TNFRSF1B: variants seen among roughly 807,000 people sequenced by gnomAD.
TNFRSF1B encodes the protein tumor necrosis factor receptor superfamily member 1B.
A neutral mutation model predicts 44.6 loss-of-function variants in TNFRSF1B; 19 were observed. The ratio of observed to expected loss-of-function variants is 0.43; its 90% confidence interval spans 0.30 to 0.62. TNFRSF1B has a LOEUF of 0.62. Among genes scored for constraint, TNFRSF1B ranks in the 20% least tolerant of loss-of-function variants. TNFRSF1B has a pLI of 0.16. For missense variants in TNFRSF1B, 541 were observed against 619.9 expected (o/e 0.87, Z 1.35); for synonymous variants, 252 against 261.1 (o/e 0.97, Z 0.34).
chr1:12,167,042 G>A lies in TNFRSF1B; in HGVS notation c.-50G>A. ...GCCTGGAGAGAAGGCGCTGGGCTGC[G>A]AGGGCGCGAGGGCGCGAGGGCAGGG... On this transcript the variant is annotated 5_prime_UTR_variant, in exon 1 of 10. Coordinates refer to ENST00000376259, the MANE Select transcript of TNFRSF1B (RefSeq NM_001066.3). 1.7e-6 allele frequency: 2 copies of A among 1,205,720 alleles called. No homozygotes were observed. The highest frequency in any genetic ancestry group is 2.1e-6 in the Non-Finnish European group (2 of 951,430). 74.7% of individuals were successfully genotyped at this position (1,205,720 alleles called of 1,614,324 possible). A position where few individuals can be genotyped will look rare whatever the true frequency, so the allele number is the denominator to read the frequency against.
intron 1 of TNFRSF1B, among the ~76,000 whole-genome samples, chr1:12,183,720 CCTATCTATCTATCTAT>C (rs376176302): frequency 3.3e-5 from 3 of 92,150 alleles, no homozygotes; most frequent in African/African-American, 1.0e-4. Flanking sequence ...ATTCTATCTA[CCTATCTATCTATCTAT>C]CTATCTATCT....
intron 9 of TNFRSF1B, among the ~76,000 whole-genome samples, chr1:12,205,021 T>TA (rs950953280): frequency 4.8e-5 from 7 of 145,192 alleles, no homozygotes; most frequent in South Asian, 2.2e-4. Context: ...ACTAAAAAAA[T>TA]AAAAAAAAAA....
intron 9 of TNFRSF1B, among the ~76,000 whole-genome samples, chr1:12,205,439 A>G (rs960090033): frequency 6.6e-6 from 1 of 152,034 alleles, no homozygotes; most frequent in African/African-American, 2.4e-5. Context: ...TGAGCCCCCA[A>G]GGAAGTGATC....
chr1:12,170,969 C>T (rs1265662377), intron 1 of TNFRSF1B, among the ~76,000 whole-genome samples: 1 of 151,806 alleles, frequency 6.6e-6, no homozygotes, highest in African/African-American at 2.4e-5. Context: ...TGCCACTGTG[C>T]CTGGCCCGTT....
At chr1:12,192,042 G>A in intron 4 of TNFRSF1B, 119 bp downstream of exon 4, 1 of 1,351,140 alleles carries the variant, frequency 7.4e-7, no homozygotes, top group East Asian at 2.5e-5. Flanking sequence ...GTTAGTGGTG[G>A]CCAGGTGCCT....
chr1:12,184,992 C>A (rs1260187201), intron 1 of TNFRSF1B, among the ~76,000 whole-genome samples: 2 of 152,136 alleles, frequency 1.3e-5, no homozygotes, highest in Non-Finnish European at 2.9e-5. Context: ...GCCGTTCGGT[C>A]GGAGGGGGAT....
intron 9 of TNFRSF1B, among the ~76,000 whole-genome samples, chr1:12,202,773 G>C (rs1202256082): frequency 6.6e-6 from 1 of 152,218 alleles, no homozygotes; most frequent in East Asian, 1.9e-4. Context: ...TTACAGATGA[G>C]GAAACTGAGC....
In TNFRSF1B at chr1:12,202,083, C is replaced by T. The variant is rs1169237211; in HGVS notation, c.1017C>T (p.Asp339=). The T allele has an allele frequency of 1.3e-6, 2 of 1,590,070 alleles. No homozygotes were observed. Among genetic ancestry groups the T allele is most frequent in the South Asian group, 1.1e-5 (1 of 87,718 alleles). ...TGGAGAGCTCGGCCAGTGCGTTGGA[C>T]AGAAGGGCGCCCACTCGGAACCAGC... ...SSLESSASAL[D]RRAPTRNQPQ... The change falls in exon 9 of 10, where the codon GAC becomes GAT. Residue 339 remains aspartate, a synonymous_variant. Transcript: ENST00000376259.
Position 12,179,756 on chromosome 1 carries a change from G to A in TNFRSF1B, c.79-9040G>A, listed in dbSNP as rs567400818. The stretch of plus-strand genomic sequence containing the variant: ...TGCTGCCATCAGCTCCTGGAGTGCC[G>A]CTCACTGGCTGCATGACCTTGGACA... On this transcript the variant is annotated intron_variant, in intron 1 of 9. Transcript: ENST00000376259. Among the ~76,000 whole-genome samples, 33 of 152,262 alleles carry A rather than the reference G, an allele frequency of 2.2e-4. No individual in the cohort carries two copies. The East Asian group carries it at 5.8e-3, about 27-fold the overall frequency.
chr1:12,191,985 G>T (rs1639146372), intron 4 of TNFRSF1B, 62 bp downstream of exon 4: 1 of 1,562,204 alleles, frequency 6.4e-7, no homozygotes, highest in East Asian at 2.3e-5. Flanking sequence ...AGACATCCTT[G>T]CAGTGTCACG....
intron 9 of TNFRSF1B, among the ~76,000 whole-genome samples, chr1:12,204,180 C>G (rs1306162053): frequency 6.6e-6 from 1 of 152,086 alleles, no homozygotes; most frequent in East Asian, 1.9e-4. Flanking sequence ...TGGCCTCTGT[C>G]TTCTCTTTCT....
chr1:12,189,503 C>T (rs1639064235), intron 2 of TNFRSF1B, among the ~76,000 whole-genome samples: 1 of 152,176 alleles, frequency 6.6e-6, no homozygotes. Flanking sequence ...GACCTGAGGC[C>T]CAGCCACAGT....
In TNFRSF1B at chr1:12,192,884, T is replaced by G. The variant is rs537233011; in HGVS notation, c.573T>G (p.Pro191=). 1 of 1,613,970 alleles carries G rather than the reference T, an allele frequency of 6.2e-7. No individual in the cohort carries two copies. The highest frequency in any genetic ancestry group is 1.7e-5 in the Admixed American group (1 of 60,010). Residue 191 remains proline, a synonymous_variant, in exon 6 of 10, where the codon CCT becomes CCG. Transcript: ENST00000376259. ...CCAGCTGTAACGTGGTGGCCATCCCTGGGAATGCAAGCATGGATGCAGTCT... is the reference window on the plus strand; with the variant it reads ...CCAGCTGTAACGTGGTGGCCATCCCGGGGAATGCAAGCATGGATGCAGTCT... ...PHQICNVVAI[P]GNASMDAVCT...
rs5745951 is a variant in TNFRSF1B, at chr1:12,167,039, TGCGAGGGC to T, written c.-36_-29del. The T allele has an allele frequency of 2.6e-5, 32 of 1,208,730 alleles. No homozygotes were observed. Among genetic ancestry groups the T allele is most frequent in the African/African-American group, 1.1e-4 (7 of 62,604 alleles). 74.9% of individuals were successfully genotyped at this position (1,208,730 alleles called of 1,614,324 possible). ...GGAGCCTGGAGAGAAGGCGCTGGGC[TGCGAGGGC>T]GCGAGGGCGCGAGGGCAGGGGGCAA... is the stretch of plus-strand genomic sequence containing the variant. On this transcript the variant is annotated 5_prime_UTR_variant, in exon 1 of 10. Transcript: ENST00000376259.
At position 12,208,373 on chromosome 1, in the gene TNFRSF1B, C is replaced by G. The variant is rs550457020; in HGVS notation, c.*1353C>G. 2 of 152,952 alleles carry G rather than the reference C, an allele frequency of 1.3e-5. No individual in the cohort carries two copies. The highest frequency in any genetic ancestry group is 4.8e-5 in the African/African-American group (2 of 41,598). 9.5% of individuals were successfully genotyped at this position (152,952 alleles called of 1,614,324 possible). On this transcript the variant is annotated 3_prime_UTR_variant, in exon 10 of 10. Coordinates refer to ENST00000376259, the MANE Select transcript of TNFRSF1B (RefSeq NM_001066.3). The stretch of plus-strand genomic sequence containing the variant: ...ATTCCTGGGCCCCAAACGGGCTGCC[C>G]TGCCACTTTGGTACATGGCCAGTGT...
intron 9 of TNFRSF1B, among the ~76,000 whole-genome samples, chr1:12,205,973 G>T (rs1485341970): frequency 6.6e-6 from 1 of 152,128 alleles, no homozygotes. Context: ...TGATGGATGG[G>T]TGTGTGATAT....
rs913547361 is a variant in TNFRSF1B, at chr1:12,199,756, C to T, written c.901-2211C>T. 1.9e-4 allele frequency among the ~76,000 whole-genome samples: 29 copies of T among 152,174 alleles called. No homozygotes were observed. Among genetic ancestry groups the T allele is most frequent in the African/African-American group, 5.5e-4 (23 of 41,442 alleles). On this transcript the variant is annotated intron_variant, in intron 8 of 9. Transcript: ENST00000376259. This position sits in a 1 kb window ranked among gnomAD's most constrained non-coding sequence, Gnocchi z 4.0. ...TCGCTCCACCCCTGCTCTCACCTCCCGCTGCAGTGCTGGCGAGCCCCATCA... is the reference window on the plus strand; with the variant it reads ...TCGCTCCACCCCTGCTCTCACCTCCTGCTGCAGTGCTGGCGAGCCCCATCA...
At position 12,167,034 on chromosome 1, in the gene TNFRSF1B, TG is replaced by T; in HGVS notation, c.-55del. ...GCAGCGGAGCCTGGAGAGAAGGCGC[TG>T]GGCTGCGAGGGCGCGAGGGCGCGAG... On this transcript the variant is annotated 5_prime_UTR_variant, in exon 1 of 10. Coordinates refer to ENST00000376259, the MANE Select transcript of TNFRSF1B (RefSeq NM_001066.3). 1 of 1,183,368 alleles carries T rather than the reference TG, an allele frequency of 8.5e-7. No homozygotes were observed. Among genetic ancestry groups the T allele is most frequent in the Non-Finnish European group, 1.1e-6 (1 of 932,562 alleles). The allele number at this position is 1,183,368 out of a possible 1,614,324, so 73.3% of individuals were successfully genotyped here. A position where few individuals can be genotyped will look rare whatever the true frequency, so the allele number is the denominator to read the frequency against.
chr1:12,198,856 A>G (rs1323637451), intron 8 of TNFRSF1B, among the ~76,000 whole-genome samples: 18 of 151,686 alleles, frequency 1.2e-4, no homozygotes, highest in Non-Finnish European at 2.7e-4. Flanking sequence ...TCGCCCAGCT[A>G]ATTTTTTGTA....
Sources: gnomAD v4.1 joint callset for allele counts (sites outside exome capture counted in the v4.1 genomes callset) on GRCh38, gnomAD v4.1.1 for gene constraint, Gnocchi (gnomAD v3.1) non-coding constraint, MANE v1.5 for transcripts, NCBI Gene and HGNC (gene_info 2026-07-23, HGNC 2026-07-21) for gene names.